The following PCDHA13 variants were observed in gnomAD, a reference collection of about 807,000 sequenced individuals.
The protein encoded by PCDHA13 is protocadherin alpha 13, also known as protocadherin alpha-13.
A neutral mutation model predicts 64.8 loss-of-function variants in PCDHA13; 54 were observed. The observed-to-expected ratio is 0.83, with a 90% CI of 0.67 to 1.04. The LOEUF is 1.04. Among genes scored for constraint, PCDHA13 ranks in the 50% least tolerant of loss-of-function variants. The pLI is 0.00. For synonymous variants in PCDHA13, 587 were observed against 564.4 expected (o/e 1.04, Z -0.57); for missense variants, 1,248 against 1,254.3 (o/e 0.99, Z 0.08).
rs2097783097 is a variant in PCDHA13, at chr5:140,997,727, C to T, written c.2543-11900C>T. Reference sequence around the variant, plus strand: ...TAACAAACACCTTTCTACGTCAGTACATATAGATTTGCCACAATCTTCTTG... The same window carrying T: ...TAACAAACACCTTTCTACGTCAGTATATATAGATTTGCCACAATCTTCTTG... On this transcript the variant is annotated intron_variant, in intron 3 of 3. Coordinates refer to ENST00000289272, the MANE Select transcript of PCDHA13 (RefSeq NM_018904.3). Among the ~76,000 whole-genome samples the T allele has an allele frequency of 2.0e-5, 3 of 151,244 alleles. No individual in the cohort carries two copies. In the South Asian group the frequency reaches 6.3e-4, roughly 32 times the overall value.
intron 3 of PCDHA13, among the ~76,000 whole-genome samples, chr5:140,997,668 T>G (rs2097778117): frequency 6.7e-6 from 1 of 148,344 alleles, no homozygotes; most frequent in African/African-American, 2.5e-5. Flanking sequence ...ATTATACAGC[T>G]TGTGTGTGTG....
chr5:140,908,587 T>G (rs186345728), intron 1 of PCDHA13, among the ~76,000 whole-genome samples: 3 of 152,298 alleles, frequency 2.0e-5, no homozygotes, highest in East Asian at 3.9e-4. Context: ...AGTAGTTAGC[T>G]GCAGAAGATG....
At chr5:140,914,944 C>CTTTT (rs35695909) in intron 1 of PCDHA13, among the ~76,000 whole-genome samples, 1 of 128,266 alleles carries the variant, frequency 7.8e-6, no homozygotes, top group South Asian at 2.5e-4. Context: ...GAAAAGTTGT[C>CTTTT]TTTTTTTTTT....
intron 1 of PCDHA13, among the ~76,000 whole-genome samples, chr5:140,906,069 T>C (rs2072342341): frequency 6.6e-6 from 1 of 152,204 alleles, no homozygotes; most frequent in African/African-American, 2.4e-5. Flanking sequence ...GCTGATTAGA[T>C]CGCACCCACC....
chr5:140,927,929 C>G (rs762916391), intron 1 of PCDHA13: 1 of 1,614,208 alleles, frequency 6.2e-7, no homozygotes, highest in Non-Finnish European at 8.5e-7. Flanking sequence ...CTGACTCTTT[C>G]GAACCCAGTA....
rs543216216 is a variant in PCDHA13, at chr5:140,917,329, G to A, written c.2394+32667G>A. 1.4e-4 allele frequency among the ~76,000 whole-genome samples: 20 copies of A among 144,014 alleles called. 2 individuals are homozygous for A. In the South Asian group the frequency reaches 2.0e-3, roughly 14 times the overall value. The allele number at this position is 144,014 out of a possible 152,430, so 94.5% of individuals were successfully genotyped here. ...ACAATTTGGTGTTCATGTGGCGGGG[G>A]AGGGGGGGGATGGTGTAGGCTTCTG... is the stretch of plus-strand genomic sequence containing the variant. On this transcript the variant is annotated intron_variant, in intron 1 of 3. Coordinates refer to ENST00000289272, the MANE Select transcript of PCDHA13 (RefSeq NM_018904.3).
Position 140,966,881 on chromosome 5 carries a change from C to T in PCDHA13, c.2395-12068C>T, listed in dbSNP as rs2096065304. 4.4e-6 allele frequency: 7 copies of T among 1,588,952 alleles called. No individual in the cohort carries two copies. In the South Asian group the frequency reaches 6.7e-5, roughly 15 times the overall value. ...GCTGTTGCTGCTGCTGCTACCTGGC[C>T]CTGCGGCCTCCCAGCTGCGATACTC... On this transcript the variant is annotated intron_variant, in intron 1 of 3. Coordinates refer to ENST00000289272, the MANE Select transcript of PCDHA13 (RefSeq NM_018904.3).
At chr5:140,923,266 T>C (rs184590818) in intron 1 of PCDHA13, among the ~76,000 whole-genome samples, 1 of 152,284 alleles carries the variant, frequency 6.6e-6, no homozygotes, top group African/African-American at 2.4e-5. Context: ...TAGTGAGACC[T>C]TGTCTCTACA....
At chr5:140,974,779 C>T (rs950634910) in intron 1 of PCDHA13, among the ~76,000 whole-genome samples, 1 of 152,160 alleles carries the variant, frequency 6.6e-6, no homozygotes, top group African/African-American at 2.4e-5. Context: ...TGAGCCACTG[C>T]GCCCAGCCCT....
At position 140,926,602 on chromosome 5, in the gene PCDHA13, C is replaced by T. The variant is rs1326525373; in HGVS notation, c.2394+41940C>T. 9 of 324,032 alleles carry T rather than the reference C, an allele frequency of 2.8e-5. No homozygotes were observed. The East Asian group carries it at 4.7e-4, about 17-fold the overall frequency. The allele number at this position is 324,032 out of a possible 1,614,324, so 20.1% of individuals were successfully genotyped here. On this transcript the variant is annotated intron_variant, in intron 1 of 3. Coordinates refer to ENST00000289272, the MANE Select transcript of PCDHA13 (RefSeq NM_018904.3). ...CCTCTCGCGCCCGGGCGGGCGGCCT[C>T]GTCTCTGCACCCCTAGGCGGCGCTG...
intron 1 of PCDHA13, among the ~76,000 whole-genome samples, chr5:140,899,650 T>C (rs1174353279): frequency 5.3e-5 from 8 of 152,192 alleles, no homozygotes; most frequent in African/African-American, 1.7e-4. Flanking sequence ...TCTTATTTGG[T>C]TGTGTCTCTG....
intron 3 of PCDHA13, among the ~76,000 whole-genome samples, chr5:141,002,620 A>G (rs553505520): frequency 6.8e-4 from 104 of 152,336 alleles, no homozygotes; most frequent in African/African-American, 2.4e-3. Flanking sequence ...CACATAACAC[A>G]GACAGAGATA....
At chr5:140,939,411 AT>A (rs797027145) in intron 1 of PCDHA13, among the ~76,000 whole-genome samples, 1 of 152,050 alleles carries the variant, frequency 6.6e-6, no homozygotes, top group East Asian at 1.9e-4. Context: ...GTAAATCAGC[AT>A]TTTTTTCTTC....
At chr5:140,892,666 A>G (rs2063614919) in intron 1 of PCDHA13, among the ~76,000 whole-genome samples, 1 of 152,170 alleles carries the variant, frequency 6.6e-6, no homozygotes, top group Admixed American at 6.6e-5. Flanking sequence ...TGACATTTTG[A>G]TACATATATA....
In PCDHA13 at chr5:140,884,020, G is replaced by C. The variant is rs61734917; in HGVS notation, c.1752G>C (p.Ser584=). Residue 584 remains serine, a synonymous_variant, in exon 1 of 4, where the codon TCG becomes TCC. Transcript: ENST00000289272. ...GGTVSELMPR[S]VGAGHVVAKV... ...CAGTGAGCGAGCTGATGCCGCGGTC[G>C]GTGGGTGCAGGCCACGTGGTGGCGA... 236 of 1,613,292 alleles carry C rather than the reference G, an allele frequency of 1.5e-4. No individual in the cohort carries two copies. Among genetic ancestry groups the C allele is most frequent in the Non-Finnish European group, 1.9e-4 (230 of 1,179,616 alleles).
chr5:140,987,266 C>T (rs2097244603), intron 3 of PCDHA13, among the ~76,000 whole-genome samples: 1 of 151,752 alleles, frequency 6.6e-6, no homozygotes, highest in African/African-American at 2.4e-5. Context: ...AGGAATGGGA[C>T]CCGGCAGTCT....
chr5:140,954,488 T>C (rs1270188262), intron 1 of PCDHA13, among the ~76,000 whole-genome samples: 1 of 152,246 alleles, frequency 6.6e-6, no homozygotes, highest in Non-Finnish European at 1.5e-5. Flanking sequence ...AGATATTTCA[T>C]TGTGGTTTTG....
chr5:140,963,570 G>A (rs1011231723), intron 1 of PCDHA13, among the ~76,000 whole-genome samples: 6 of 152,180 alleles, frequency 3.9e-5, no homozygotes, highest in African/African-American at 1.2e-4. Flanking sequence ...TTCTGGTTTT[G>A]TTCTCAAAAT....
In PCDHA13 at chr5:140,910,096, C is replaced by G. The variant is rs1583731198; in HGVS notation, c.2394+25434C>G. On this transcript the variant is annotated intron_variant, in intron 1 of 3. Coordinates refer to ENST00000289272, the MANE Select transcript of PCDHA13 (RefSeq NM_018904.3). ...ATTGTTGTCAAGGGGAACCAGCCTCCCCTTCATTTAAGGGATTCTAGGTCT... is the reference window on the plus strand; with the variant it reads ...ATTGTTGTCAAGGGGAACCAGCCTCGCCTTCATTTAAGGGATTCTAGGTCT... Among the ~76,000 whole-genome samples the G allele has an allele frequency of 2.6e-5, 4 of 152,262 alleles. No individual in the cohort carries two copies. The East Asian group carries it at 7.7e-4, about 29-fold the overall frequency.
Sources: gnomAD v4.1 joint callset for allele counts (sites outside exome capture counted in the v4.1 genomes callset) on GRCh38, gnomAD v4.1.1 for gene constraint, MANE v1.5 for transcripts, NCBI Gene and HGNC (gene_info 2026-07-23, HGNC 2026-07-21) for gene names.